CBLB: variants seen among roughly 807,000 people sequenced by gnomAD.
CBLB encodes Cbl proto-oncogene B, also known as E3 ubiquitin-protein ligase CBL-B.
In CBLB, 31 loss-of-function variants were observed where a neutral mutation model predicts 104.9. The ratio of observed to expected loss-of-function variants is 0.30; its 90% CI spans 0.22 to 0.40. The LOEUF (loss-of-function observed/expected upper bound fraction) is 0.40. Ranked by LOEUF, CBLB falls within the 10% of genes least tolerant of loss-of-function variation. CBLB has a pLI of 1.00. For missense variants in CBLB, 1,062 were observed against 1,214.6 expected (o/e 0.87, Z 1.87); for synonymous variants, 440 against 422.6 (o/e 1.04, Z -0.51).
rs1043308968 is a variant in CBLB at position 105,868,674 on chromosome 3, A to ACCCCGGGC, written c.-15+54_-15+61dup. 31 of 983,828 alleles carry ACCCCGGGC rather than the reference A, an allele frequency of 3.2e-5. No homozygotes were observed. The South Asian group carries it at 1.0e-3, about 33-fold the overall frequency. 60.9% of individuals were successfully genotyped at this position (983,828 alleles called of 1,614,324 possible). ...CTTCCTCCTTGGCCCGCGCCTGGCTACCCCGGGCCCCCGGGCCGGCAAGAA... is the reference window on the plus strand; with the variant it reads ...CTTCCTCCTTGGCCCGCGCCTGGCTACCCCGGGCCCCCGGGCCCCCGGGCCGGCAAGAA... On this transcript the variant is annotated intron_variant, in intron 1 of 18. Coordinates refer to ENST00000394030, the MANE Select transcript of CBLB (RefSeq NM_170662.5).
chr3:105,752,489 T>C (rs570033768), intron 4 of CBLB, among the ~76,000 whole-genome samples: 1 of 152,220 alleles, frequency 6.6e-6, no homozygotes, highest in Non-Finnish European at 1.5e-5. Context: ...AAAGAAATCA[T>C]TCAGTTTTTA....
intron 11 of CBLB, among the ~76,000 whole-genome samples, chr3:105,703,104 GTA>G (rs144941060): frequency 0.018 from 2,684 of 152,172 alleles, 71 homozygotes; most frequent in African/African-American, 0.061. Context: ...AAATATAAAG[GTA>G]TAGATCAATG....
intron 5 of CBLB, 137 bp downstream of exon 5, chr3:105,751,325 T>G (rs2076568409): frequency 1.4e-6 from 1 of 735,470 alleles, no homozygotes; most frequent in Non-Finnish European, 2.4e-6. Flanking sequence ...AATTACAGAC[T>G]AATAGGAATG....
chr3:105,770,439 C>G (rs957963266), intron 4 of CBLB, among the ~76,000 whole-genome samples: 1 of 152,144 alleles, frequency 6.6e-6, no homozygotes, highest in African/African-American at 2.4e-5. Flanking sequence ...GCAGGACTTC[C>G]CAATCTCCAG....
intron 4 of CBLB, among the ~76,000 whole-genome samples, chr3:105,759,240 G>A (rs1223451269): frequency 6.6e-6 from 1 of 151,954 alleles, no homozygotes; most frequent in Non-Finnish European, 1.5e-5. Context: ...GAGTCTGGCT[G>A]GGTCTGGAGT....
At chr3:105,850,798 T>C (rs929563203) in intron 3 of CBLB, among the ~76,000 whole-genome samples, 2 of 152,142 alleles carry the variant, frequency 1.3e-5, no homozygotes, top group South Asian at 4.1e-4. Context: ...CCCACCCACA[T>C]CTACCACATC....
chr3:105,732,187 C>T (rs995204633), intron 9 of CBLB, among the ~76,000 whole-genome samples: 3 of 152,148 alleles, frequency 2.0e-5, no homozygotes, highest in African/African-American at 4.8e-5. Flanking sequence ...CAATTACAGA[C>T]AATCTATCAC....
chr3:105,702,476 GA>G lies in CBLB; in HGVS notation c.1594-18del, dbSNP rs34208930. 0.17 allele frequency: 47,849 copies of G among 276,700 alleles called. 1,215 individuals are homozygous for G. Among genetic ancestry groups the G allele is most frequent in the African/African-American group, 0.21 (4,292 of 20,320 alleles). 17.1% of individuals were successfully genotyped at this position (276,700 alleles called of 1,614,324 possible). On this transcript the variant is annotated intron_variant, in intron 11 of 18. Coordinates refer to ENST00000394030, the MANE Select transcript of CBLB (RefSeq NM_170662.5). ...AGGAGAAGACTAAAGAAACAGAAGA[GA>G]AAAAAAAAAAAAAAAAAAAAAACTA...
chr3:105,795,124 G>A (rs2082117613), intron 3 of CBLB, among the ~76,000 whole-genome samples: 1 of 152,090 alleles, frequency 6.6e-6, no homozygotes. Flanking sequence ...ATGTTGGCCA[G>A]GATGGTCCAG....
chr3:105,758,331 T>C (rs1289614046), intron 4 of CBLB, among the ~76,000 whole-genome samples: 1 of 152,178 alleles, frequency 6.6e-6, no homozygotes, highest in Non-Finnish European at 1.5e-5. Context: ...TCCTTATACA[T>C]GAAAATTCCT....
intron 12 of CBLB, 101 bp from the exon 13 acceptor site, chr3:105,693,689 A>T (rs1468463803): frequency 1.3e-6 from 1 of 763,222 alleles, no homozygotes; most frequent in Non-Finnish European, 2.3e-6. Context: ...TAAGTTCAGT[A>T]TATTTAAATA....
In CBLB at chr3:105,702,296, G is replaced by A. The variant is rs918600962; in HGVS notation, c.1757C>T (p.Pro586Leu). 4.3e-6 allele frequency: 7 copies of A among 1,613,674 alleles called. No homozygotes were observed. The highest frequency in any genetic ancestry group is 2.7e-5 in the African/African-American group (2 of 74,800). ...GCACCATGCTTCAAGAGGCATTGGC[G>A]GGTCTCTGGAAGGCACGCTTTCCAC... ...HHVESVPSRD[P>L]PMPLEAWCPR... The change falls in exon 12 of 19, where the codon CCG becomes CTG. Residue 586 changes from proline to leucine, a missense_variant. This residue lies in a region of CBLB where 605 missense variants were observed against 582.6 expected (regional missense o/e 1.04). Coordinates refer to ENST00000394030, the MANE Select transcript of CBLB (RefSeq NM_170662.5).
chr3:105,861,698 C>A (rs1249271131), intron 2 of CBLB, among the ~76,000 whole-genome samples: 1 of 151,028 alleles, frequency 6.6e-6, no homozygotes, highest in Non-Finnish European at 1.5e-5. Context: ...CACACACACA[C>A]ACACACACAT....
intron 3 of CBLB, among the ~76,000 whole-genome samples, chr3:105,786,945 T>C (rs191306055): frequency 6.6e-6 from 1 of 152,332 alleles, no homozygotes; most frequent in East Asian, 1.9e-4. Flanking sequence ...ATATATGATA[T>C]GTCTTAATAT....
intron 4 of CBLB, among the ~76,000 whole-genome samples, chr3:105,764,150 C>A (rs928762909): frequency 2.0e-5 from 3 of 152,158 alleles, no homozygotes; most frequent in Admixed American, 2.0e-4. Context: ...ACACATCCAG[C>A]AGAGAAGAGA....
At chr3:105,688,507 T>A (rs554633005) in intron 13 of CBLB, among the ~76,000 whole-genome samples, 49 of 152,226 alleles carry the variant, frequency 3.2e-4, no homozygotes, top group African/African-American at 1.2e-3. Flanking sequence ...GCTTAATTAG[T>A]AAGCTTGTTT....
intron 3 of CBLB, among the ~76,000 whole-genome samples, chr3:105,806,088 T>C (rs574383178): frequency 6.6e-6 from 1 of 152,228 alleles, no homozygotes; most frequent in East Asian, 1.9e-4. Context: ...ATGAATGAAA[T>C]TGATTCTGGG....
At chr3:105,799,140 T>TGA (rs2082551026) in intron 3 of CBLB, among the ~76,000 whole-genome samples, 1 of 104,400 alleles carries the variant, frequency 9.6e-6, no homozygotes. Flanking sequence ...TGAATAGCAG[T>TGA]GAGAGAAAGA....
intron 3 of CBLB, among the ~76,000 whole-genome samples, chr3:105,795,547 A>G (rs1312747914): frequency 1.3e-5 from 2 of 152,160 alleles, no homozygotes; most frequent in African/African-American, 4.8e-5. Context: ...AGACTTCTGC[A>G]CCCTTAACAT....
Sources: allele counts gnomAD v4.1 joint callset (sites outside exome capture counted in the v4.1 genomes callset), GRCh38; gene constraint gnomAD v4.1.1; regional missense constraint gnomAD v4.1.1; transcripts MANE v1.5; gene names NCBI Gene and HGNC (gene_info 2026-07-23, HGNC 2026-07-21).